The following SYT11 variants were observed in gnomAD, a reference collection of about 807,000 sequenced individuals.
SYT11 encodes the protein synaptotagmin-11.
In SYT11, 12 loss-of-function variants were observed where a neutral mutation model predicts 30.4. The observed-to-expected ratio is 0.39, with a 90% CI of 0.25 to 0.64. The LOEUF (loss-of-function observed/expected upper bound fraction) is 0.64. SYT11 is among the 30% of genes least tolerant of loss of function. The pLI is 0.45. For missense variants in SYT11, 412 were observed against 552.0 expected, an observed-to-expected ratio of 0.75 and a Z score of 2.54; for synonymous variants, 204 against 216.0, an observed-to-expected ratio of 0.94 and a Z score of 0.49.
chr1:155,868,649 T>TG lies in SYT11; in HGVS notation c.721dup (p.Val241GlyfsTer10). ...ATCCCCTACAGCCAGCTGCAGGACC[T>TG]GGTGCTGCACTTCCTTGTCCTCAGC... On this transcript the variant is annotated frameshift_variant, in exon 2 of 4. Coordinates refer to ENST00000368324, the MANE Select transcript of SYT11 (RefSeq NM_152280.5). LOFTEE classifies it high-confidence loss of function. The surrounding 1 kb of genome is among the most constrained non-coding windows in gnomAD (Gnocchi z 4.7). 1 of 1,614,208 alleles carries TG rather than the reference T, an allele frequency of 6.2e-7. No individual in the cohort carries two copies. The highest frequency in any genetic ancestry group is 8.5e-7 in the Non-Finnish European group (1 of 1,180,044).
chr1:155,876,456 C>A (rs893195671), intron 2 of SYT11, among the ~76,000 whole-genome samples: 27 of 151,626 alleles, frequency 1.8e-4, no homozygotes, highest in Non-Finnish European at 3.4e-4. Context: ...CCGTGTTAGC[C>A]AGGATGGTCC....
Position 155,868,203 on chromosome 1 carries a change from T to C in SYT11, c.273T>C (p.Arg91=), listed in dbSNP as rs576149463. ...DKDGPGREGG[R]RNLLVDAAEA... is the part of the protein sequence containing the mutation. Reference sequence around the variant, plus strand: ...ATGGTCCTGGGAGGGAAGGTGGACGTAGGAACCTGTTGGTGGACGCAGCAG... The same window carrying C: ...ATGGTCCTGGGAGGGAAGGTGGACGCAGGAACCTGTTGGTGGACGCAGCAG... The change falls in exon 2 of 4, where the codon CGT becomes CGC. Residue 91 remains arginine (R), a synonymous_variant. Coordinates refer to ENST00000368324, the MANE Select transcript of SYT11 (RefSeq NM_152280.5). This position sits in a 1 kb window ranked among gnomAD's most constrained non-coding sequence, Gnocchi z 4.7. The C allele has an allele frequency of 1.2e-6, 2 of 1,613,936 alleles. No homozygotes were observed. Among genetic ancestry groups the C allele is most frequent in the African/African-American group, 1.3e-5 (1 of 74,946 alleles).
chr1:155,881,627 A>G lies in SYT11; in HGVS notation c.*119A>G, dbSNP rs1173746834. On this transcript the variant is annotated 3_prime_UTR_variant, in exon 4 of 4. Coordinates refer to ENST00000368324, the MANE Select transcript of SYT11 (RefSeq NM_152280.5). ...TTAGTTGTAGAAGAAAATTTCTTAC[A>G]AAACAAATTCCACAAAGAACACCCT... The G allele has an allele frequency of 3.1e-6, 3 of 976,350 alleles. No homozygotes were observed. The highest frequency in any genetic ancestry group is 4.5e-6 in the Non-Finnish European group (3 of 668,640). The allele number at this position is 976,350 out of a possible 1,614,324, so 60.5% of individuals were successfully genotyped here.
intron 1 of SYT11, among the ~76,000 whole-genome samples, chr1:155,863,750 G>A (rs1266593554): frequency 6.6e-5 from 10 of 152,000 alleles, no homozygotes; most frequent in South Asian, 2.1e-4. Context: ...GTGAAACCCC[G>A]TCTCTACTAA....
intron 2 of SYT11, among the ~76,000 whole-genome samples, chr1:155,879,946 C>G (rs923017829): frequency 6.6e-6 from 1 of 152,142 alleles, no homozygotes; most frequent in African/African-American, 2.4e-5. Flanking sequence ...GTAATCCCAG[C>G]ATTTTGGGAG....
At chr1:155,876,281 C>T (rs966567919) in intron 2 of SYT11, among the ~76,000 whole-genome samples, 6 of 127,742 alleles carry the variant, frequency 4.7e-5, no homozygotes, top group Non-Finnish European at 7.9e-5. Flanking sequence ...AGTCTCGCTC[C>T]GTCTCCCAGG....
chr1:155,876,815 T>G (rs916121712), intron 2 of SYT11, among the ~76,000 whole-genome samples: 2 of 152,038 alleles, frequency 1.3e-5, no homozygotes, highest in African/African-American at 2.4e-5. Flanking sequence ...AGATGGAGTC[T>G]CACTCTGTCG....
intron 2 of SYT11, among the ~76,000 whole-genome samples, chr1:155,880,295 A>G (rs1409439824): frequency 6.6e-6 from 1 of 152,208 alleles, no homozygotes; most frequent in Non-Finnish European, 1.5e-5. Context: ...AAATTATTTA[A>G]TATCAGAATT....
intron 2 of SYT11, among the ~76,000 whole-genome samples, chr1:155,870,570 T>C (rs1250545481): frequency 1.3e-5 from 2 of 152,224 alleles, no homozygotes; most frequent in African/African-American, 4.8e-5. Context: ...GGGCAGATCA[T>C]ACTTATTTCT....
chr1:155,864,815 A>G (rs1380937028), intron 1 of SYT11, among the ~76,000 whole-genome samples: 1 of 148,388 alleles, frequency 6.7e-6, no homozygotes, highest in Non-Finnish European at 1.5e-5. Flanking sequence ...GGTTCAAGCT[A>G]TTCTCCTGCC....
At position 155,860,369 on chromosome 1, in the gene SYT11, G is replaced by A. The variant is rs761525957; in HGVS notation, c.34+574G>A. Among the ~76,000 whole-genome samples the A allele has an allele frequency of 2.0e-4, 31 of 152,236 alleles. No homozygotes were observed. The highest frequency in any genetic ancestry group is 2.9e-5 in the Non-Finnish European group (2 of 68,044). On this transcript the variant is annotated intron_variant, in intron 1 of 3. Coordinates refer to ENST00000368324, the MANE Select transcript of SYT11 (RefSeq NM_152280.5). This position sits in a 1 kb window ranked among gnomAD's most constrained non-coding sequence, Gnocchi z 4.1. ...CTTAAGCCGGTCAGCTGGATGCTGG[G>A]GCTAGGAGGAAACGTGAGCCCTGCA... is the stretch of plus-strand genomic sequence containing the variant.
chr1:155,871,736 C>G (rs984313830), intron 2 of SYT11, among the ~76,000 whole-genome samples: 1 of 152,194 alleles, frequency 6.6e-6, no homozygotes, highest in Admixed American at 6.5e-5. Flanking sequence ...TTACCCAGAG[C>G]CTGTGCAGCC....
chr1:155,867,853 T>G (rs1672705545), intron 1 of SYT11, 112 bp from the exon 2 acceptor site: 1 of 840,460 alleles, frequency 1.2e-6, no homozygotes. Context: ...ACATTTTGCT[T>G]TAGAGGCTAG....
chr1:155,878,691 C>T (rs1672909530), intron 2 of SYT11, among the ~76,000 whole-genome samples: 1 of 151,330 alleles, frequency 6.6e-6, no homozygotes. Flanking sequence ...TGGTGAAGCC[C>T]CGTCTCTACT....
Position 155,860,266 on chromosome 1 carries a change from G to A in SYT11, c.34+471G>A, listed in dbSNP as rs560266764. 2.0e-5 allele frequency among the ~76,000 whole-genome samples: 3 copies of A among 152,322 alleles called. No individual in the cohort carries two copies. In the East Asian group the frequency reaches 5.8e-4, roughly 29 times the overall value. ...GATGGCAGCTTGGAGACTGTGGGCC[G>A]TGTGGCTGGCAGCCAGGGGAGGCGG... is the stretch of plus-strand genomic sequence containing the variant. On this transcript the variant is annotated intron_variant, in intron 1 of 3. Transcript: ENST00000368324. The surrounding 1 kb of genome is among the most constrained non-coding windows in gnomAD (Gnocchi z 4.1).
Position 155,868,518 on chromosome 1 carries a change from C to T in SYT11, c.588C>T (p.Pro196=). The T allele has an allele frequency of 6.2e-7, 1 of 1,614,180 alleles. No individual in the cohort carries two copies. Among genetic ancestry groups the T allele is most frequent in the Non-Finnish European group, 8.5e-7 (1 of 1,180,026 alleles). The stretch of plus-strand genomic sequence containing the variant: ...ATGACCAGACCCAGGGATCTGACCC[C>T]TACATCAAAATGACCATCCTTCCTG... The part of the protein sequence containing the change: ...VMDDQTQGSD[P]YIKMTILPDK... Residue 196 remains proline, a synonymous_variant, in exon 2 of 4, where the codon CCC becomes CCT. Coordinates refer to ENST00000368324, the MANE Select transcript of SYT11 (RefSeq NM_152280.5). This position sits in a 1 kb window ranked among gnomAD's most constrained non-coding sequence, Gnocchi z 4.7.
intron 2 of SYT11, among the ~76,000 whole-genome samples, chr1:155,871,716 C>T (rs1363923323): frequency 1.3e-5 from 2 of 152,178 alleles, no homozygotes; most frequent in Non-Finnish European, 1.5e-5. Context: ...TGGAGAAGGC[C>T]CGAGATAGGT....
chr1:155,867,934 G>T (rs185537228), intron 1 of SYT11, 31 bp from the exon 2 acceptor site: 6 of 1,547,166 alleles, frequency 3.9e-6, no homozygotes, highest in Admixed American at 1.8e-5. Context: ...AAGTCCACCC[G>T]CCCTGACACA....
chr1:155,870,458 C>T (rs183712081), intron 2 of SYT11, among the ~76,000 whole-genome samples: 6 of 152,158 alleles, frequency 3.9e-5, no homozygotes, highest in African/African-American at 1.4e-4. Context: ...TTTGTTTTGA[C>T]ACAGTGAAGG....
Sources: allele counts gnomAD v4.1 joint callset (sites outside exome capture counted in the v4.1 genomes callset), GRCh38; gene constraint gnomAD v4.1.1; non-coding constraint Gnocchi (gnomAD v3.1); transcripts MANE v1.5; gene names NCBI Gene and HGNC (gene_info 2026-07-23, HGNC 2026-07-21).